TRPM3: variants seen among roughly 807,000 people sequenced by gnomAD.
The protein encoded by TRPM3 is transient receptor potential cation channel subfamily M member 3.
TRPM3 carries 77 observed loss-of-function variants against 181.2 expected under a neutral mutation model. The observed-to-expected ratio is 0.42, with a 90% confidence interval of 0.35 to 0.51. The LOEUF is 0.51. Ranked by LOEUF, TRPM3 falls within the 20% of genes least tolerant of loss-of-function variation. The pLI, the probability that TRPM3 is intolerant of heterozygous loss-of-function variation, is 0.01. For missense variants in TRPM3, 1,759 were observed against 2,196.7 expected, an observed-to-expected ratio of 0.80 and a Z score of 3.98; for synonymous variants, 745 against 796.4, an observed-to-expected ratio of 0.94 and a Z score of 1.09.
At chr9:70,591,798 C>G (rs1588984075) in intron 21 of TRPM3, among the ~76,000 whole-genome samples, 1 of 152,116 alleles carries the variant, frequency 6.6e-6, no homozygotes, top group African/African-American at 2.4e-5. Context: ...TTCTTGTGGC[C>G]CCACCCCACT....
At chr9:70,684,913 A>C (rs185643930) in intron 8 of TRPM3, among the ~76,000 whole-genome samples, 1 of 152,186 alleles carries the variant, frequency 6.6e-6, no homozygotes, top group Non-Finnish European at 1.5e-5. Context: ...TTTCCCCTTC[A>C]TGTTGCAGAT....
At chr9:70,864,538 A>AAAAAAAAAAAAAAAAAAAAAAG in intron 1 of TRPM3, 27 bp from the exon 2 acceptor site, 3 of 1,433,860 alleles carry the variant, frequency 2.1e-6, no homozygotes, top group Non-Finnish European at 1.8e-6. Context: ...AAAAAAAAAA[A>AAAAAAAAAAAAAAAAAAAAAAG]AAAGAAAAAA....
chr9:70,901,644 C>T (rs1486335397), intron 1 of TRPM3, among the ~76,000 whole-genome samples: 1 of 151,792 alleles, frequency 6.6e-6, no homozygotes. Flanking sequence ...ATTCAAAAAT[C>T]AAAAATGTAT....
At chr9:71,212,550 A>G (rs903025709) in intron 1 of TRPM3, among the ~76,000 whole-genome samples, 5 of 152,156 alleles carry the variant, frequency 3.3e-5, no homozygotes, top group African/African-American at 1.2e-4. Context: ...TGCACCATGG[A>G]TCAAGAACAG....
intron 1 of TRPM3, among the ~76,000 whole-genome samples, chr9:70,886,468 G>A (rs928916266): frequency 1.3e-5 from 2 of 152,040 alleles, no homozygotes; most frequent in African/African-American, 4.8e-5. Flanking sequence ...TACAACAAAT[G>A]CACCTGAACC....
At chr9:71,386,120 CAGAA>C (rs1197519307) in intron 1 of TRPM3, among the ~76,000 whole-genome samples, 3 of 152,164 alleles carry the variant, frequency 2.0e-5, no homozygotes, top group Admixed American at 6.5e-5. Context: ...GCTCAGTCGA[CAGAA>C]AGAGGCAGAA....
In TRPM3 at chr9:71,225,178, A is replaced by T. The variant is rs2080515156; in HGVS notation, c.183+221475T>A. ...AAACACTATCTTATGGTATTTAATA[A>T]TCAAACTCCCAAAAGTCAAGAATGA... On this transcript the variant is annotated intron_variant, in intron 1 of 24. Transcript: ENST00000357533. Among the ~76,000 whole-genome samples, 4 of 152,162 alleles carry T rather than the reference A, an allele frequency of 2.6e-5. No homozygotes were observed. The South Asian group carries it at 8.3e-4, about 32-fold the overall frequency.
chr9:71,309,968 T>C (rs1224392159), intron 1 of TRPM3, among the ~76,000 whole-genome samples: 1 of 152,092 alleles, frequency 6.6e-6, no homozygotes, highest in African/African-American at 2.4e-5. Context: ...AACACATCTT[T>C]GGAAAGAACT....
chr9:70,616,092 G>A lies in TRPM3; in HGVS notation c.2359-17C>T. 6.6e-7 allele frequency: 1 copy of A among 1,514,366 alleles called. No individual in the cohort carries two copies. Among genetic ancestry groups the A allele is most frequent in the Non-Finnish European group, 8.9e-7 (1 of 1,124,728 alleles). The allele number at this position is 1,514,366 out of a possible 1,614,324, so 93.8% of individuals were successfully genotyped here. On this transcript the variant is annotated splice_polypyrimidine_tract_variant and intron_variant, in intron 17 of 25. Coordinates refer to ENST00000677713, the MANE Select transcript of TRPM3 (RefSeq NM_001366145.2). Reference sequence around the variant, plus strand: ...CAGAATTACCTAAAGTAATAATAATGATAATAATAATAATCACATTTAAAG... The same window carrying A: ...CAGAATTACCTAAAGTAATAATAATAATAATAATAATAATCACATTTAAAG...
intron 1 of TRPM3, among the ~76,000 whole-genome samples, chr9:71,438,516 T>A (rs2094083745): frequency 1.4e-5 from 2 of 141,984 alleles, no homozygotes; most frequent in African/African-American, 5.0e-5. Flanking sequence ...CAAAAAAAAA[T>A]ATAAAAATTA....
At chr9:70,575,274 A>T (rs1426816995) in intron 22 of TRPM3, among the ~76,000 whole-genome samples, 1 of 152,098 alleles carries the variant, frequency 6.6e-6, no homozygotes, top group East Asian at 1.9e-4. Context: ...TCCTGCATCT[A>T]CCTGGAGCTG....
intron 1 of TRPM3, among the ~76,000 whole-genome samples, chr9:71,034,460 T>G (rs1366795041): frequency 1.3e-5 from 2 of 152,052 alleles, no homozygotes; most frequent in East Asian, 3.9e-4. Context: ...TATACTGGGT[T>G]TGGGGTCACT....
chr9:70,928,560 C>A (rs1364204673), intron 1 of TRPM3, among the ~76,000 whole-genome samples: 1 of 152,122 alleles, frequency 6.6e-6, no homozygotes, highest in Admixed American at 6.6e-5. Flanking sequence ...TATGGAGCAC[C>A]TGGAACTCTT....
chr9:70,959,175 AAT>A (rs963066868), intron 1 of TRPM3, among the ~76,000 whole-genome samples: 37 of 151,996 alleles, frequency 2.4e-4, no homozygotes, highest in African/African-American at 4.1e-4. Flanking sequence ...AAAGAAAAAA[AAT>A]ATGTCACCTG....
At chr9:71,088,330 G>A (rs2065638984) in intron 1 of TRPM3, among the ~76,000 whole-genome samples, 1 of 152,082 alleles carries the variant, frequency 6.6e-6, no homozygotes, top group Admixed American at 6.6e-5. Context: ...AGATGGCAAG[G>A]AAGGAACTGC....
rs1419542839 is a variant in TRPM3 at position 70,625,547 on chromosome 9, A to AGAT, written c.1633-33_1633-31dup. 1.6e-5 allele frequency: 25 copies of AGAT among 1,597,424 alleles called. No homozygotes were observed. The highest frequency in any genetic ancestry group is 2.0e-5 in the Non-Finnish European group (24 of 1,173,318). On this transcript the variant is annotated intron_variant, in intron 12 of 25. Transcript: ENST00000677713. This position sits in a 1 kb window ranked among gnomAD's most constrained non-coding sequence, Gnocchi z 4.8. The stretch of plus-strand genomic sequence containing the variant: ...GAAAGAAGACATAAGTTAAATAAGA[A>AGAT]GATGCAGTAATCGTCGGCAATAATA...
chr9:71,444,448 T>C (rs2094177793), intron 1 of TRPM3, among the ~76,000 whole-genome samples: 1 of 151,882 alleles, frequency 6.6e-6, no homozygotes, highest in Non-Finnish European at 1.5e-5. Context: ...CCTCATATTT[T>C]CTTTGTCAGG....
upstream of TRPM3, chr9:71,121,726 T>C (rs2134395084): frequency 2.7e-6 from 2 of 746,580 alleles, no homozygotes; most frequent in African/African-American, 1.9e-5. Flanking sequence ...GCCAGGAGGA[T>C]CGCAAAAGGG....
At chr9:71,067,874 C>T (rs1479271609) in intron 1 of TRPM3, among the ~76,000 whole-genome samples, 1 of 152,174 alleles carries the variant, frequency 6.6e-6, no homozygotes, top group Admixed American at 6.5e-5. Context: ...GTAACTTTGG[C>T]AAGTCATTAG....
Sources: gnomAD v4.1 joint callset for allele counts (sites outside exome capture counted in the v4.1 genomes callset) on GRCh38, gnomAD v4.1.1 for gene constraint, Gnocchi (gnomAD v3.1) non-coding constraint, MANE v1.5 for transcripts, NCBI Gene and HGNC (gene_info 2026-07-23, HGNC 2026-07-21) for gene names.